Variants in B4GALT6 observed in about 807,000 individuals in gnomAD.
B4GALT6 encodes the protein beta-1,4-galactosyltransferase 6.
A neutral mutation model predicts 46.3 loss-of-function variants in B4GALT6; 14 were observed. The observed-to-expected ratio is 0.30, with a 90% CI of 0.20 to 0.47. B4GALT6 has a LOEUF of 0.47. Among genes scored for constraint, B4GALT6 ranks in the 20% least tolerant of loss-of-function variants. The pLI, the probability that B4GALT6 is intolerant of heterozygous loss-of-function variation, is 0.99. For synonymous variants in B4GALT6, 168 were observed against 162.0 expected (o/e 1.04, Z -0.28); for missense variants, 386 against 480.1 (o/e 0.80, Z 1.83).
At chr18:31,647,350 C>A (rs1294372771) in intron 3 of B4GALT6, among the ~76,000 whole-genome samples, 1 of 152,168 alleles carries the variant, frequency 6.6e-6, no homozygotes, top group Non-Finnish European at 1.5e-5. Context: ...CCATCTCCAA[C>A]GCATATGTGC....
the B4GALT6 span, among the ~76,000 whole-genome samples, chr18:31,712,999 C>T: frequency 6.6e-6 from 1 of 152,114 alleles, no homozygotes; most frequent in African/African-American, 2.4e-5. Flanking sequence ...GTCTGTTTTC[C>T]TTGCACTGTT....
At chr18:31,656,423 A>C (rs993072139) in intron 3 of B4GALT6, among the ~76,000 whole-genome samples, 2 of 151,782 alleles carry the variant, frequency 1.3e-5, no homozygotes, top group African/African-American at 4.8e-5. Flanking sequence ...ATACACACAC[A>C]AAAAAAAGCT....
rs2073650208 is a variant in B4GALT6 at position 31,623,871 on chromosome 18, C to G, written c.*1743G>C. ...AAAACTTACAATCTGAGATAAATAA[C>G]CATAGTTCTGTTTTAGGTAAACAAT... On this transcript the variant is annotated 3_prime_UTR_variant, in exon 9 of 9. Transcript: ENST00000306851. The G allele has an allele frequency of 6.6e-6, 1 of 151,856 alleles. No homozygotes were observed. The allele number at this position is 151,856 out of a possible 1,614,324, so 9.4% of individuals were successfully genotyped here. A position where few individuals can be genotyped will look rare whatever the true frequency, so the allele number is the denominator to read the frequency against.
rs751829490 is a variant in B4GALT6, at chr18:31,625,589, T to C, written c.*25A>G. ...AAGTTTATGATCCAGCATTGTGGTC[T>C]ACCTTGCCACGACAGCCACTTCTTT... is the stretch of plus-strand genomic sequence containing the variant. On this transcript the variant is annotated 3_prime_UTR_variant, in exon 9 of 9. Coordinates refer to ENST00000306851, the MANE Select transcript of B4GALT6 (RefSeq NM_004775.5). 1 of 1,613,016 alleles carries C rather than the reference T, an allele frequency of 6.2e-7. No homozygotes were observed. The highest frequency in any genetic ancestry group is 8.5e-7 in the Non-Finnish European group (1 of 1,179,634).
At chr18:31,649,836 G>A (rs1487250474) in intron 3 of B4GALT6, among the ~76,000 whole-genome samples, 1 of 152,220 alleles carries the variant, frequency 6.6e-6, no homozygotes, top group Admixed American at 6.5e-5. Flanking sequence ...AGCCACTGTG[G>A]AAAGCAGTTT....
chr18:31,694,898 T>C, the B4GALT6 span, among the ~76,000 whole-genome samples: 1 of 152,200 alleles, frequency 6.6e-6, no homozygotes, highest in Non-Finnish European at 1.5e-5. Flanking sequence ...AAACTGTTAA[T>C]GGTAGAATAA....
At chr18:31,669,819 T>C (rs2074328907) in intron 1 of B4GALT6, among the ~76,000 whole-genome samples, 2 of 152,094 alleles carry the variant, frequency 1.3e-5, no homozygotes, top group Admixed American at 6.5e-5. Context: ...AAGTTACATA[T>C]GAAATTTGTT....
chr18:31,718,957 A>T, the B4GALT6 span: 1 of 152,172 alleles, frequency 6.6e-6, no homozygotes, highest in Admixed American at 6.5e-5. Context: ...GATTTGGCTG[A>T]CCTGGCTGGC....
rs534090738 is a variant in B4GALT6 at position 31,673,544 on chromosome 18, G to A, written c.116-7172C>T. ...CATTCAGAATTGAGCACTGACTGCC[G>A]AAATCGTCCAGGGATATAGAATCTT... On this transcript the variant is annotated intron_variant, in intron 1 of 8. Transcript: ENST00000306851. Among the ~76,000 whole-genome samples, 7 of 152,288 alleles carry A rather than the reference G, an allele frequency of 4.6e-5. No homozygotes were observed. In the South Asian group the frequency reaches 1.2e-3, roughly 27 times the overall value.
chr18:31,642,551 T>C (rs1447638361), intron 4 of B4GALT6, among the ~76,000 whole-genome samples: 4 of 152,238 alleles, frequency 2.6e-5, no homozygotes, highest in African/African-American at 9.6e-5. Flanking sequence ...AAAGTCAATG[T>C]CACAGGTACA....
rs766019120 is a variant in B4GALT6, at chr18:31,653,020, C to CTT, written c.346+4954_346+4955dup. On this transcript the variant is annotated intron_variant, in intron 3 of 8. Coordinates refer to ENST00000306851, the MANE Select transcript of B4GALT6 (RefSeq NM_004775.5). ...CAGTGGTGTTTTTTGTTTATTTTTG[C>CTT]TTTTTTTTTTTTTGCCCCTAGACCC... Among the ~76,000 whole-genome samples the CTT allele has an allele frequency of 4.6e-3, 648 of 141,528 alleles. 9 individuals carry two copies. The highest frequency in any genetic ancestry group is 0.016 in the African/African-American group (621 of 38,680). 92.8% of individuals were successfully genotyped at this position (141,528 alleles called of 152,430 possible).
chr18:31,710,021 G>A, the B4GALT6 span, among the ~76,000 whole-genome samples: 1 of 151,678 alleles, frequency 6.6e-6, no homozygotes, highest in Non-Finnish European at 1.5e-5. Context: ...CTTGAACCCG[G>A]GAGGCAGAGG....
chr18:31,629,447 A>ATTTTTCTTTTTTTTT (rs2073746861), intron 6 of B4GALT6, among the ~76,000 whole-genome samples: 1 of 32,836 alleles, frequency 3.0e-5, no homozygotes. Flanking sequence ...GCCCTTTATG[A>ATTTTTCTTTTTTTTT]TTTTTTTTTT....
At chr18:31,658,173 G>T in intron 2 of B4GALT6, 84 bp from the exon 3 acceptor site, 5 of 942,658 alleles carry the variant, frequency 5.3e-6, no homozygotes, top group Non-Finnish European at 8.2e-6. Context: ...CTATCACTGG[G>T]AGAAAACTAC....
At chr18:31,630,917 C>A in intron 6 of B4GALT6, 42 bp downstream of exon 6, 5 of 1,596,784 alleles carry the variant, frequency 3.1e-6, no homozygotes, top group Non-Finnish European at 4.3e-6. Context: ...TATGACTGTG[C>A]AATTATATCG....
chr18:31,700,435 T>TTGTGTGTGTGTGTGTGTG, the B4GALT6 span, among the ~76,000 whole-genome samples: 172 of 139,570 alleles, frequency 1.2e-3, 1 homozygote, highest in East Asian at 9.3e-3. Flanking sequence ...AATTGACTAT[T>TTGTGTGTGTGTGTGTGTG]TGTGTGTGTG....
chr18:31,707,022 C>T, the B4GALT6 span, among the ~76,000 whole-genome samples: 1 of 152,078 alleles, frequency 6.6e-6, no homozygotes, highest in Non-Finnish European at 1.5e-5. Context: ...CAGAAGGAAA[C>T]GACACAGAGA....
At chr18:31,707,816 A>G in the B4GALT6 span, among the ~76,000 whole-genome samples, 1 of 152,202 alleles carries the variant, frequency 6.6e-6, no homozygotes, top group Admixed American at 6.5e-5. Flanking sequence ...CAATGGTTCT[A>G]TATTCTTTCT....
the B4GALT6 span, among the ~76,000 whole-genome samples, chr18:31,692,030 TA>T: frequency 4.0e-3 from 614 of 152,320 alleles, 2 homozygotes; most frequent in Non-Finnish European, 7.1e-3. Flanking sequence ...AGCAAATTAT[TA>T]ACATAATTCA....
Sources: gnomAD v4.1 joint callset for allele counts (sites outside exome capture counted in the v4.1 genomes callset) on GRCh38, gnomAD v4.1.1 for gene constraint, MANE v1.5 for transcripts, NCBI Gene and HGNC (gene_info 2026-07-23, HGNC 2026-07-21) for gene names.